TMEM18: variants seen among roughly 807,000 people sequenced by gnomAD.
TMEM18 encodes transmembrane protein 18.
Under a neutral mutation model 17.4 loss-of-function variants are expected in TMEM18, and 14 were observed. The ratio of observed to expected loss-of-function variants is 0.80; its 90% CI spans 0.53 to 1.25. The LOEUF is 1.25. Ranked by LOEUF, TMEM18 falls within the 50% of genes most tolerant of loss-of-function variation. The pLI, the probability that TMEM18 is intolerant of heterozygous loss-of-function variation, is 0.00. For missense variants in TMEM18, 187 were observed against 172.1 expected (o/e 1.09, Z -0.48); for synonymous variants, 86 against 66.1 (o/e 1.30, Z -1.46).
intron 2 of TMEM18, among the ~76,000 whole-genome samples, chr2:675,014 C>T (rs923686654): frequency 2.6e-5 from 4 of 152,268 alleles, no homozygotes; most frequent in African/African-American, 7.2e-5. Flanking sequence ...TCTTCACACC[C>T]TGTGCCATGA....
chr2:677,188 G>A, intron 1 of TMEM18, 101 bp downstream of exon 1: 21 of 1,453,454 alleles, frequency 1.4e-5, no homozygotes, highest in Non-Finnish European at 2.0e-5. Context: ...CCCGCCCACG[G>A]CCGGGGCCTT....
rs1437113096 is a variant in TMEM18 at position 668,909 on chromosome 2, G to A, written c.*671C>T. ...TGCTAGAGAGGGCCTAGCCTCTTGTGAATTGGTTCATCAAACTGAGATACA... is the reference window on the plus strand; with the variant it reads ...TGCTAGAGAGGGCCTAGCCTCTTGTAAATTGGTTCATCAAACTGAGATACA... On this transcript the variant is annotated 3_prime_UTR_variant, in exon 5 of 5. Transcript: ENST00000281017. The A allele has an allele frequency of 6.6e-6, 1 of 152,292 alleles. No individual in the cohort carries two copies. Among genetic ancestry groups the A allele is most frequent in the Non-Finnish European group, 1.5e-5 (1 of 68,084 alleles). The allele number at this position is 152,292 out of a possible 1,614,324, so 9.4% of individuals were successfully genotyped here.
intron 3 of TMEM18, among the ~76,000 whole-genome samples, chr2:672,199 C>A (rs1678866971): frequency 6.6e-6 from 1 of 152,134 alleles, no homozygotes; most frequent in Admixed American, 6.5e-5. Flanking sequence ...ACGTAAAAGC[C>A]ATTTTTAGCT....
chr2:673,851 T>G (rs1388593650), intron 2 of TMEM18, among the ~76,000 whole-genome samples: 4 of 88,146 alleles, frequency 4.5e-5, no homozygotes, highest in Admixed American at 1.3e-4. Context: ...ACACAGGAGG[T>G]GGTGGGCATG....
At chr2:676,526 G>T in intron 1 of TMEM18, 2 of 1,544,422 alleles carry the variant, frequency 1.3e-6, no homozygotes, top group Non-Finnish European at 1.7e-6. Flanking sequence ...CCAGAGCCGC[G>T]CCATGACATA....
intron 3 of TMEM18, among the ~76,000 whole-genome samples, chr2:672,405 C>G (rs1357109675): frequency 6.6e-6 from 1 of 152,132 alleles, no homozygotes; most frequent in Non-Finnish European, 1.5e-5. Flanking sequence ...GCAGGTGCCC[C>G]AGACCACCCA....
rs374373872 is a variant in TMEM18 at position 677,350 on chromosome 2, T to G, written c.-5A>C. On this transcript the variant is annotated 5_prime_UTR_variant, in exon 1 of 5. Coordinates refer to ENST00000281017, the MANE Select transcript of TMEM18 (RefSeq NM_152834.4). ...GACAGAGAAGGCGGACGGCATGGTG[T>G]TGGGAAGCCCGCTCTCACAGCAACC... is the stretch of plus-strand genomic sequence containing the variant. 1.9e-6 allele frequency: 3 copies of G among 1,611,612 alleles called. No homozygotes were observed. The highest frequency in any genetic ancestry group is 1.7e-6 in the Non-Finnish European group (2 of 1,179,598).
chr2:675,528 C>G lies in TMEM18; in HGVS notation c.160G>C (p.Gly54Arg). ...LSSRSYRLQI[G>R]HFLCLVILVY... Reference sequence around the variant, plus strand: ...TACTCACCTAGACACAGAAAGTGCCCGATCTGTAGTCTGTAGCTTCGGGAG... The same window carrying G: ...TACTCACCTAGACACAGAAAGTGCCGGATCTGTAGTCTGTAGCTTCGGGAG... The change falls in exon 2 of 5, where the codon GGG becomes CGG. Residue 54 changes from glycine to arginine, a missense_variant. Gly to Arg is a moderately radical substitution (Grantham distance 125, BLOSUM62 -2). Transcript: ENST00000281017. 1 of 1,614,196 alleles carries G rather than the reference C, an allele frequency of 6.2e-7. No individual in the cohort carries two copies. The highest frequency in any genetic ancestry group is 1.1e-5 in the South Asian group (1 of 91,084).
intron 2 of TMEM18, among the ~76,000 whole-genome samples, chr2:673,751 AGGG>A (rs967805011): frequency 6.4e-5 from 1 of 15,534 alleles, no homozygotes; most frequent in African/African-American, 2.5e-4. Flanking sequence ...GAGGAGGAGG[AGGG>A]GGAGGATGGG....
intron 1 of TMEM18, chr2:676,437 TGCCCTCCAAGCTGCAGCCCGGCACA>T: frequency 2.8e-6 from 3 of 1,072,478 alleles, no homozygotes; most frequent in Non-Finnish European, 3.9e-6. Flanking sequence ...AGCCCCGCCC[TGCCCTCCAAGCTGCAGCCCGGCACA>T]GCCCTCCAGA....
Position 676,798 on chromosome 2 carries a change from C to T in TMEM18, c.57+491G>A, listed in dbSNP as rs1659248754. On this transcript the variant is annotated intron_variant, in intron 1 of 4. Coordinates refer to ENST00000281017, the MANE Select transcript of TMEM18 (RefSeq NM_152834.4). The stretch of plus-strand genomic sequence containing the variant: ...GCCCCGCCGCACTGCCAGAATCCGC[C>T]CACATGGCCCAAGCCCCGCCCGCAA... 2.8e-5 allele frequency: 20 copies of T among 723,424 alleles called. No individual in the cohort carries two copies. The South Asian group carries it at 3.6e-4, about 13-fold the overall frequency. 44.8% of individuals were successfully genotyped at this position (723,424 alleles called of 1,614,324 possible).
intron 2 of TMEM18, 55 bp from the exon 3 acceptor site, chr2:672,917 T>C: frequency 6.9e-7 from 1 of 1,448,372 alleles, no homozygotes; most frequent in South Asian, 1.4e-5. Context: ...TTACTCGTTA[T>C]AAAGTTATAC....
intron 3 of TMEM18, 60 bp downstream of exon 3, chr2:672,747 TG>T (rs1678888019): frequency 1.5e-6 from 2 of 1,375,828 alleles, no homozygotes; most frequent in Non-Finnish European, 1.9e-6. Context: ...CCACCGGCTG[TG>T]GGGCCATTCC....
rs188450449 is a variant in TMEM18 at position 677,217 on chromosome 2, G to C, written c.57+72C>G. 2,099 of 1,544,254 alleles carry C rather than the reference G, an allele frequency of 1.4e-3. 30 individuals are homozygous for C. The African/African-American group carries it at 0.025, about 19-fold the overall frequency. On this transcript the variant is annotated intron_variant, in intron 1 of 4. Transcript: ENST00000281017. ...GGGCCTTCTTGGCCACAGGCCGGGT[G>C]CTCTGTGGGGCCTACCCTACGCCTC...
intron 3 of TMEM18, chr2:670,795 G>A (rs760194276): frequency 6.5e-6 from 1 of 152,694 alleles, no homozygotes; most frequent in Non-Finnish European, 1.5e-5. Flanking sequence ...GGGCATCACT[G>A]CAGGACTCCG....
rs766596592 is a variant in TMEM18, at chr2:669,628, A to C, written c.375T>G (p.Asn125Lys). 1.9e-5 allele frequency: 30 copies of C among 1,614,048 alleles called. No homozygotes were observed. The highest frequency in any genetic ancestry group is 2.4e-5 in the Non-Finnish European group (28 of 1,180,036). The change falls in exon 5 of 5, where the codon AAT becomes AAG. Residue 125 changes from asparagine to lysine, a missense_variant. Coordinates refer to ENST00000281017, the MANE Select transcript of TMEM18 (RefSeq NM_152834.4). ...TCTTTTCCTTTCTTCTCTCTTGTGCATTCTTCAGGTCAGTCATCACATTCA... is the reference window on the plus strand; with the variant it reads ...TCTTTTCCTTTCTTCTCTCTTGTGCCTTCTTCAGGTCAGTCATCACATTCA... Reference protein sequence around the residue: ...KTLNVMTDLKNAQERRKEKKR... With the variant: ...KTLNVMTDLKKAQERRKEKKR...
chr2:666,662 G>A lies in TMEM18; in HGVS notation c.*2918C>T, dbSNP rs1001692029. ...TCGCACCATCCTGGGACTGGGCAGC[G>A]CCACCCCCTGGGTGCTCTTCTCTGC... On this transcript the variant is annotated 3_prime_UTR_variant, in exon 5 of 5. Coordinates refer to ENST00000281017, the MANE Select transcript of TMEM18 (RefSeq NM_152834.4). 2.6e-5 allele frequency among the ~76,000 whole-genome samples: 4 copies of A among 152,112 alleles called. No homozygotes were observed. Among genetic ancestry groups the A allele is most frequent in the Non-Finnish European group, 4.4e-5 (3 of 68,000 alleles).
rs552610494 is a variant in TMEM18 at position 673,388 on chromosome 2, T to TGG, written c.179-528_179-527dup. ...GCACGGGAGGGAGGGCAGCAGCTGG[T>TGG]GGGGGCAGGGCAAGGCCTCCATGCT... On this transcript the variant is annotated intron_variant, in intron 2 of 4. Coordinates refer to ENST00000281017, the MANE Select transcript of TMEM18 (RefSeq NM_152834.4). 4.9e-3 allele frequency among the ~76,000 whole-genome samples: 735 copies of TGG among 151,498 alleles called. 4 individuals are homozygous for TGG. The highest frequency in any genetic ancestry group is 0.017 in the Middle Eastern group (5 of 290).
Position 669,498 on chromosome 2 carries a change from A to C in TMEM18, c.*82T>G. The C allele has an allele frequency of 2.2e-6, 3 of 1,352,196 alleles. No homozygotes were observed. Among genetic ancestry groups the C allele is most frequent in the Non-Finnish European group, 3.1e-6 (3 of 960,484 alleles). 83.8% of individuals were successfully genotyped at this position (1,352,196 alleles called of 1,614,324 possible). A position where few individuals can be genotyped will look rare whatever the true frequency, so the allele number is the denominator to read the frequency against. On this transcript the variant is annotated 3_prime_UTR_variant, in exon 5 of 5. Coordinates refer to ENST00000281017, the MANE Select transcript of TMEM18 (RefSeq NM_152834.4). ...TTCAAACCATGAGTCAGCTGGAAGGATGCCCACGCCACGCACACTGCAGCA... is the reference window on the plus strand; with the variant it reads ...TTCAAACCATGAGTCAGCTGGAAGGCTGCCCACGCCACGCACACTGCAGCA...
Sources: gnomAD v4.1 joint callset for allele counts (sites outside exome capture counted in the v4.1 genomes callset) on GRCh38, gnomAD v4.1.1 for gene constraint, MANE v1.5 for transcripts, NCBI Gene and HGNC (gene_info 2026-07-23, HGNC 2026-07-21) for gene names.